Variants in CDH8 observed in about 807,000 individuals in gnomAD.
CDH8 encodes cadherin-8.
A neutral mutation model predicts 68.1 loss-of-function variants in CDH8; 17 were observed. That is an observed-to-expected ratio of 0.25 (90% CI 0.17 to 0.37). The LOEUF is 0.37. Ranked by LOEUF, CDH8 falls within the 10% of genes least tolerant of loss-of-function variation. The pLI is 1.00. For missense variants in CDH8, 763 were observed against 999.3 expected (o/e 0.76, Z 3.19); for synonymous variants, 372 against 365.1 (o/e 1.02, Z -0.21).
At chr16:61,736,599 A>G (rs1959693277) in intron 8 of CDH8, among the ~76,000 whole-genome samples, 1 of 152,154 alleles carries the variant, frequency 6.6e-6, no homozygotes, top group Non-Finnish European at 1.5e-5. Flanking sequence ...GTCCCCAAAC[A>G]CCACCAAAAT....
intron 2 of CDH8, among the ~76,000 whole-genome samples, chr16:61,953,909 A>T: frequency 1.4e-5 from 2 of 140,824 alleles, no homozygotes; most frequent in East Asian, 4.0e-4. Flanking sequence ...ATATATATAT[A>T]TATATATATA....
intron 2 of CDH8, among the ~76,000 whole-genome samples, chr16:61,959,669 T>C (rs1330800970): frequency 1.3e-5 from 2 of 151,352 alleles, no homozygotes; most frequent in Non-Finnish European, 2.9e-5. Flanking sequence ...AAATGTTTAT[T>C]ACACCTCAAC....
intron 10 of CDH8, among the ~76,000 whole-genome samples, chr16:61,699,219 T>C (rs1346237389): frequency 6.6e-6 from 1 of 152,178 alleles, no homozygotes; most frequent in Non-Finnish European, 1.5e-5. Flanking sequence ...TAAGAGAAGT[T>C]CTTTGATGCA....
chr16:61,899,476 G>A (rs1465787366), intron 3 of CDH8, among the ~76,000 whole-genome samples: 1 of 151,916 alleles, frequency 6.6e-6, no homozygotes, highest in Non-Finnish European at 1.5e-5. Context: ...GACAATGGAG[G>A]GAAGGAGAGA....
intron 8 of CDH8, 129 bp from the exon 9 acceptor site, chr16:61,727,344 A>G (rs1959404419): frequency 7.6e-6 from 7 of 917,822 alleles, no homozygotes; most frequent in Non-Finnish European, 1.2e-5. Flanking sequence ...CATGGTGATT[A>G]TAGAGTCTGA....
intron 2 of CDH8, among the ~76,000 whole-genome samples, chr16:61,915,334 TTGTC>T (rs1260819222): frequency 6.6e-6 from 1 of 152,218 alleles, no homozygotes; most frequent in Non-Finnish European, 1.5e-5. Flanking sequence ...ATTATATTCA[TTGTC>T]TATTATTTCA....
chr16:61,955,887 G>T (rs543096805), intron 2 of CDH8, among the ~76,000 whole-genome samples: 115 of 152,250 alleles, frequency 7.6e-4, no homozygotes, highest in African/African-American at 2.7e-3. Context: ...CAAATACACA[G>T]TTCCATTATC....
intron 3 of CDH8, among the ~76,000 whole-genome samples, chr16:61,858,670 G>T (rs1479157034): frequency 1.3e-5 from 2 of 152,088 alleles, no homozygotes; most frequent in African/African-American, 4.8e-5. Flanking sequence ...ATCTATGGGG[G>T]GAGTGAAAAG....
At chr16:61,765,451 T>C (rs1960565491) in intron 8 of CDH8, among the ~76,000 whole-genome samples, 1 of 152,016 alleles carries the variant, frequency 6.6e-6, no homozygotes, top group Non-Finnish European at 1.5e-5. Context: ...GAGATACTCA[T>C]TCAGCTTTAC....
At chr16:61,894,101 C>T (rs1168601892) in intron 3 of CDH8, among the ~76,000 whole-genome samples, 2 of 152,144 alleles carry the variant, frequency 1.3e-5, no homozygotes, top group Non-Finnish European at 2.9e-5. Context: ...GCAGGGCAAA[C>T]ACTTCCTTCA....
At chr16:61,709,733 TA>T (rs5817305) in intron 10 of CDH8, among the ~76,000 whole-genome samples, 32,725 of 147,762 alleles carry the variant, frequency 0.22, 3,884 homozygotes, top group Middle Eastern at 0.29. Context: ...ATAGAAAGGT[TA>T]AAAAAAAAAA....
At chr16:61,780,574 G>A (rs1327858005) in intron 8 of CDH8, among the ~76,000 whole-genome samples, 2 of 152,232 alleles carry the variant, frequency 1.3e-5, no homozygotes, top group Non-Finnish European at 1.5e-5. Flanking sequence ...TCCCTGGAAT[G>A]ACTATTTCTT....
chr16:61,722,639 T>C (rs553221775), intron 9 of CDH8, among the ~76,000 whole-genome samples: 32 of 150,874 alleles, frequency 2.1e-4, no homozygotes, highest in African/African-American at 7.7e-4. Flanking sequence ...TGATAATATC[T>C]AGGAAATTAC....
intron 3 of CDH8, among the ~76,000 whole-genome samples, chr16:61,871,181 G>A (rs1963353376): frequency 6.6e-6 from 1 of 151,424 alleles, no homozygotes; most frequent in South Asian, 2.1e-4. Flanking sequence ...TATACAATAA[G>A]TATATTTTTC....
intron 2 of CDH8, among the ~76,000 whole-genome samples, chr16:61,974,062 G>A (rs1172308724): frequency 6.6e-6 from 1 of 152,180 alleles, no homozygotes; most frequent in African/African-American, 2.4e-5. Flanking sequence ...TAAATAATCT[G>A]AGGCTAGAAA....
intron 2 of CDH8, among the ~76,000 whole-genome samples, chr16:61,948,527 A>G (rs1265019449): frequency 6.6e-6 from 1 of 152,176 alleles, no homozygotes; most frequent in African/African-American, 2.4e-5. Flanking sequence ...TCCCTACTCA[A>G]AGGTTAACTG....
chr16:61,985,594 G>A (rs1025365437), intron 2 of CDH8, among the ~76,000 whole-genome samples: 3 of 152,160 alleles, frequency 2.0e-5, no homozygotes, highest in African/African-American at 7.2e-5. Flanking sequence ...CTGGATTCAA[G>A]CGATTCTCCT....
At chr16:61,739,213 G>A (rs1959791223) in intron 8 of CDH8, among the ~76,000 whole-genome samples, 2 of 152,016 alleles carry the variant, frequency 1.3e-5, no homozygotes, top group Non-Finnish European at 2.9e-5. Flanking sequence ...TTTGCTAAGT[G>A]TTTCTATTTA....
At chr16:61,684,424 G>A (rs1964068736) in intron 10 of CDH8, among the ~76,000 whole-genome samples, 1 of 151,852 alleles carries the variant, frequency 6.6e-6, no homozygotes, top group Non-Finnish European at 1.5e-5. Context: ...AAAAGATATA[G>A]CAAGAAAAAA....
Sources: allele counts gnomAD v4.1 joint callset (sites outside exome capture counted in the v4.1 genomes callset), GRCh38; gene constraint gnomAD v4.1.1; transcripts MANE v1.5; gene names NCBI Gene and HGNC (gene_info 2026-07-23, HGNC 2026-07-21).